Variants in USP34 observed in about 807,000 individuals in gnomAD.
USP34 encodes the protein ubiquitin specific peptidase 34.
Under a neutral mutation model 460.3 loss-of-function variants are expected in USP34, and 70 were observed. The observed-to-expected ratio is 0.15, with a 90% CI of 0.13 to 0.19. USP34 has a LOEUF of 0.19. Ranked by LOEUF, USP34 falls within the 10% of genes least tolerant of loss-of-function variation. The pLI, the probability that USP34 is intolerant of heterozygous loss-of-function variation, is 1.00. For synonymous variants in USP34, 1,647 were observed against 1,405.3 expected, an observed-to-expected ratio of 1.17 and a Z score of -3.85; for missense variants, 3,985 against 4,236.2, an observed-to-expected ratio of 0.94 and a Z score of 1.65.
chr2:61,468,278 G>C (rs920406777), intron 1 of USP34, among the ~76,000 whole-genome samples: 4 of 152,172 alleles, frequency 2.6e-5, no homozygotes, highest in Non-Finnish European at 5.9e-5. Context: ...CTCCGCCTCC[G>C]GGTTCAAGCA....
intron 5 of USP34, among the ~76,000 whole-genome samples, chr2:61,394,366 C>T (rs1005309696): frequency 1.5e-4 from 22 of 151,614 alleles, no homozygotes; most frequent in Non-Finnish European, 1.5e-5. Flanking sequence ...TTTAAAATGG[C>T]CTGGGCAACA....
intron 1 of USP34, among the ~76,000 whole-genome samples, chr2:61,445,311 G>A (rs549354434): frequency 2.7e-4 from 40 of 150,784 alleles, no homozygotes; most frequent in South Asian, 6.3e-4. Context: ...CGAGGCGGGC[G>A]GATCACAAGG....
At chr2:61,225,801 T>C (rs924686774) in intron 62 of USP34, among the ~76,000 whole-genome samples, 2 of 152,240 alleles carry the variant, frequency 1.3e-5, no homozygotes, top group African/African-American at 4.8e-5. Flanking sequence ...ATTTAGTATA[T>C]ATTGTTGATT....
At chr2:61,444,031 G>A (rs1312658530) in intron 1 of USP34, among the ~76,000 whole-genome samples, 1 of 152,134 alleles carries the variant, frequency 6.6e-6, no homozygotes, top group Non-Finnish European at 1.5e-5. Flanking sequence ...AGCACTCTGG[G>A]AGGCGAAAGC....
At position 61,283,266 on chromosome 2, in the gene USP34, G is replaced by A; in HGVS notation, c.4877C>T (p.Ser1626Leu). 6.2e-7 allele frequency: 1 copy of A among 1,610,498 alleles called. No homozygotes were observed. The highest frequency in any genetic ancestry group is 8.5e-7 in the Non-Finnish European group (1 of 1,178,712). The change falls in exon 37 of 80, where the codon TCA (serine) becomes TTA (leucine). Residue 1626 changes from serine (S) to leucine (L), a missense_variant. Physicochemically the swap from Ser to Leu is moderately radical, Grantham distance 145 (BLOSUM62 -2). Around this residue, in one of 14 missense-constraint regions of USP34, gnomAD observed 1,114 missense variants for 1,122.5 expected, o/e 0.99. Transcript: ENST00000398571. The part of the protein sequence containing the change: ...QSDHRSRHEV[S>L]HYSMWLLVSW... ...CACCAAGAGCCACATTGAATAATGT[G>A]AAACTAAAGAAAAATTAGAAAACAG... is the stretch of plus-strand genomic sequence containing the variant.
chr2:61,283,080 T>C (rs1332661799), intron 37 of USP34, 65 bp downstream of exon 37: 1 of 1,541,660 alleles, frequency 6.5e-7, no homozygotes, highest in Non-Finnish European at 8.8e-7. Context: ...GCTCTTTTAT[T>C]ATCAATGCTA....
chr2:61,194,045 G>C (rs1035516980), intron 75 of USP34: 1 of 864,724 alleles, frequency 1.2e-6, no homozygotes, highest in African/African-American at 1.8e-5. Flanking sequence ...TTAGCTAGCA[G>C]GTAGCCATGG....
In USP34 at chr2:61,214,049, A is replaced by G. The variant is rs376655146; in HGVS notation, c.8682+11T>C. ...TGAGGATACAGATAAAAGAGTATCA[A>G]TTTTACTCACTCCAGGGTATTGGCT... On this transcript the variant is annotated intron_variant, in intron 68 of 79. Transcript: ENST00000398571. 74 of 1,613,644 alleles carry G rather than the reference A, an allele frequency of 4.6e-5. No homozygotes were observed. The highest frequency in any genetic ancestry group is 6.1e-5 in the Non-Finnish European group (72 of 1,179,888).
At chr2:61,326,548 C>T (rs907604656) in intron 20 of USP34, among the ~76,000 whole-genome samples, 1 of 152,018 alleles carries the variant, frequency 6.6e-6, no homozygotes, top group Middle Eastern at 3.2e-3. Flanking sequence ...AAAAGGATTC[C>T]TTTCCTTTGG....
At chr2:61,322,183 T>G (rs186561350) in intron 21 of USP34, among the ~76,000 whole-genome samples, 2 of 152,078 alleles carry the variant, frequency 1.3e-5, no homozygotes, top group African/African-American at 4.8e-5. Context: ...TGAGCCAAGA[T>G]CACGCCAATG....
chr2:61,391,166 C>T (rs1374887502), intron 5 of USP34, among the ~76,000 whole-genome samples: 1 of 151,962 alleles, frequency 6.6e-6, no homozygotes. Flanking sequence ...AGGAAATCAG[C>T]CAGGTGCAAT....
At chr2:61,438,980 A>G (rs1263491553) in intron 1 of USP34, among the ~76,000 whole-genome samples, 1 of 152,238 alleles carries the variant, frequency 6.6e-6, no homozygotes, top group Non-Finnish European at 1.5e-5. Flanking sequence ...TGCAGGATAC[A>G]AAATCACTAT....
At chr2:61,260,216 A>G (rs1472224004) in intron 43 of USP34, among the ~76,000 whole-genome samples, 2 of 152,206 alleles carry the variant, frequency 1.3e-5, no homozygotes, top group Non-Finnish European at 2.9e-5. Flanking sequence ...TATTCTTCAC[A>G]CTGAAGAGGA....
intron 1 of USP34, among the ~76,000 whole-genome samples, chr2:61,451,432 C>A (rs1273434448): frequency 2.0e-5 from 3 of 151,926 alleles, no homozygotes; most frequent in Non-Finnish European, 4.4e-5. Context: ...CGCCTGTAAT[C>A]CCAGCACTTC....
chr2:61,212,537 C>CTGATTCATCATTA (rs1687298548), intron 68 of USP34, among the ~76,000 whole-genome samples: 1 of 152,132 alleles, frequency 6.6e-6, no homozygotes, highest in Non-Finnish European at 1.5e-5. Context: ...AGTTCAATTT[C>CTGATTCATCATTA]CTGATGAATA....
At chr2:61,326,975 T>C (rs1342908077) in intron 20 of USP34, among the ~76,000 whole-genome samples, 1 of 151,416 alleles carries the variant, frequency 6.6e-6, no homozygotes, top group African/African-American at 2.4e-5. Flanking sequence ...TTAGTAGAAA[T>C]ATGGTGTCAC....
chr2:61,343,738 G>C (rs1014799675), intron 16 of USP34, 77 bp downstream of exon 16: 5 of 1,439,850 alleles, frequency 3.5e-6, no homozygotes, highest in Admixed American at 1.8e-5. Flanking sequence ...CTTAACTATT[G>C]AGTCCTTTCA....
intron 41 of USP34, chr2:61,277,925 G>T: frequency 1.4e-5 from 6 of 437,354 alleles, no homozygotes; most frequent in Non-Finnish European, 2.0e-5. Flanking sequence ...TTCTTTTTTT[G>T]CCTGCCGCCA....
chr2:61,264,750 ATGGTGGC>A (rs1195579994), intron 43 of USP34, among the ~76,000 whole-genome samples: 1 of 152,126 alleles, frequency 6.6e-6, no homozygotes, highest in African/African-American at 2.4e-5. Context: ...TTGGCCGGGC[ATGGTGGC>A]TCACACCTGT....
Sources: allele counts gnomAD v4.1 joint callset (sites outside exome capture counted in the v4.1 genomes callset), GRCh38; gene constraint gnomAD v4.1.1; regional missense constraint gnomAD v4.1.1; transcripts MANE v1.5; gene names NCBI Gene and HGNC (gene_info 2026-07-23, HGNC 2026-07-21).